PTGES3: variants seen among roughly 807,000 people sequenced by gnomAD.
PTGES3 encodes the protein Hsp90 co-chaperone.
A neutral mutation model predicts 29.9 loss-of-function variants in PTGES3; 5 were observed. The ratio of observed to expected loss-of-function variants is 0.17; its 90% CI spans 0.09 to 0.35. The LOEUF is 0.35. Among genes scored for constraint, PTGES3 ranks in the 10% least tolerant of loss-of-function variants. PTGES3 has a pLI of 1.00. For missense variants in PTGES3, 128 were observed against 190.0 expected (o/e 0.67, Z 1.92); for synonymous variants, 49 against 57.8 (o/e 0.85, Z 0.69).
chr12:56,666,054 A>ATT lies in PTGES3; in HGVS notation c.438+149_438+150insAA, dbSNP rs1951773204. 4 of 1,399,856 alleles carry ATT rather than the reference A, an allele frequency of 2.9e-6. No individual in the cohort carries two copies. In the African/African-American group the frequency reaches 5.9e-5, roughly 21 times the overall value. 86.7% of individuals were successfully genotyped at this position (1,399,856 alleles called of 1,614,324 possible). ...TAATAGATACCCCCATTCGTCAAAA[A>ATT]TGGGCACATTTTAAAAATTGCTTTT... On this transcript the variant is annotated intron_variant, in intron 6 of 7. Transcript: ENST00000262033.
chr12:56,680,599 T>A (rs1433053034), intron 1 of PTGES3, among the ~76,000 whole-genome samples: 1 of 152,016 alleles, frequency 6.6e-6, no homozygotes. Flanking sequence ...CAGGCTGGTC[T>A]CCAACTCCTG....
chr12:56,686,636 C>G (rs1952873165), intron 1 of PTGES3, among the ~76,000 whole-genome samples: 1 of 152,128 alleles, frequency 6.6e-6, no homozygotes, highest in Non-Finnish European at 1.5e-5. Context: ...CTCGGCCTCT[C>G]AGAGTGCTGG....
chr12:56,664,226 A>G lies in PTGES3; in HGVS notation c.*253T>C. On this transcript the variant is annotated 3_prime_UTR_variant, in exon 8 of 8. Coordinates refer to ENST00000262033, the MANE Select transcript of PTGES3 (RefSeq NM_006601.7). Reference sequence around the variant, plus strand: ...GCTGCATTAATTGCCTAGGACCTCAACAGCTTCATGAAAGTCTGGGAAATG... The same window carrying G: ...GCTGCATTAATTGCCTAGGACCTCAGCAGCTTCATGAAAGTCTGGGAAATG... The G allele has an allele frequency of 2.6e-6, 1 of 384,018 alleles. No homozygotes were observed. The highest frequency in any genetic ancestry group is 4.8e-6 in the Non-Finnish European group (1 of 207,128). 23.8% of individuals were successfully genotyped at this position (384,018 alleles called of 1,614,324 possible).
chr12:56,672,898 T>TA (rs1952062541), intron 2 of PTGES3, 54 bp downstream of exon 2: 1 of 1,554,712 alleles, frequency 6.4e-7, no homozygotes, highest in Non-Finnish European at 8.7e-7. Context: ...CAGTCAAAGT[T>TA]ATTCAGTTGT....
intron 1 of PTGES3, among the ~76,000 whole-genome samples, chr12:56,678,648 C>T (rs557996948): frequency 7.6e-4 from 115 of 152,154 alleles, no homozygotes; most frequent in African/African-American, 2.6e-3. Context: ...TATAACTCAC[C>T]AGATACTAAC....
intron 1 of PTGES3, among the ~76,000 whole-genome samples, chr12:56,675,001 T>G (rs1210416976): frequency 7.2e-5 from 1 of 13,962 alleles, no homozygotes; most frequent in Admixed American, 1.0e-3. Flanking sequence ...TGAAACTCGG[T>G]CTCAAAAAAA....
chr12:56,686,992 A>T (rs555216321), intron 1 of PTGES3: 6 of 356,096 alleles, frequency 1.7e-5, no homozygotes, highest in Middle Eastern at 7.3e-4. Context: ...TACCTTGAAA[A>T]ATAACCTCCC....
chr12:56,675,641 C>A lies in PTGES3; in HGVS notation c.3-2576G>T, dbSNP rs536358407. ...AACACATTAAAACTACAAACAGGGC[C>A]GAGTGCGGTGGCTCACGCCTGTAAT... On this transcript the variant is annotated intron_variant, in intron 1 of 7. Transcript: ENST00000262033. Among the ~76,000 whole-genome samples the A allele has an allele frequency of 5.3e-5, 8 of 152,030 alleles. No individual in the cohort carries two copies. The South Asian group carries it at 1.0e-3, about 20-fold the overall frequency.
At chr12:56,686,525 C>T (rs542900300) in intron 1 of PTGES3, among the ~76,000 whole-genome samples, 2 of 152,220 alleles carry the variant, frequency 1.3e-5, no homozygotes, top group East Asian at 3.9e-4. Context: ...CAGGCATGTG[C>T]CACCACGCCC....
intron 1 of PTGES3, chr12:56,687,336 T>A: frequency 1.0e-6 from 1 of 988,868 alleles, no homozygotes; most frequent in Non-Finnish European, 1.2e-6. Context: ...TAACTCCTCC[T>A]CGCTGCCAGG....
chr12:56,681,469 C>T (rs920580214), intron 1 of PTGES3, among the ~76,000 whole-genome samples: 3 of 128,842 alleles, frequency 2.3e-5, no homozygotes, highest in African/African-American at 5.9e-5. Flanking sequence ...ACCCGGGAGG[C>T]GGAGCCTGCA....
At chr12:56,668,694 A>G (rs1423427455) in intron 5 of PTGES3, among the ~76,000 whole-genome samples, 1 of 152,254 alleles carries the variant, frequency 6.6e-6, no homozygotes, top group Non-Finnish European at 1.5e-5. Flanking sequence ...GAACTGTTAA[A>G]TAAGCAGTTG....
intron 1 of PTGES3, among the ~76,000 whole-genome samples, chr12:56,679,026 G>A (rs1257134867): frequency 2.0e-5 from 3 of 152,170 alleles, no homozygotes; most frequent in Non-Finnish European, 4.4e-5. Flanking sequence ...ACTGAGGTGG[G>A]AGAATTGCTT....
At chr12:56,666,130 A>G in intron 6 of PTGES3, 74 bp downstream of exon 6, 1 of 1,486,848 alleles carries the variant, frequency 6.7e-7, no homozygotes, top group Non-Finnish European at 9.0e-7. Flanking sequence ...TCTATATAAA[A>G]CCATTTGTAA....
Position 56,688,193 on chromosome 12 carries a change from G to A in PTGES3, c.-194C>T, listed in dbSNP as rs1168467740. ...CCAGAATGCACCGCGCGGAAAGAGC[G>A]GCTCCTCCGGTCGGGGAGAAGAGGA... is the stretch of plus-strand genomic sequence containing the variant. On this transcript the variant is annotated 5_prime_UTR_variant, in exon 1 of 8. Transcript: ENST00000262033. The A allele has an allele frequency of 6.0e-6, 6 of 1,001,264 alleles. No homozygotes were observed. Among genetic ancestry groups the A allele is most frequent in the Non-Finnish European group, 6.8e-6 (5 of 737,356 alleles). The allele number at this position is 1,001,264 out of a possible 1,614,324, so 62.0% of individuals were successfully genotyped here.
chr12:56,680,856 C>T (rs561553031), intron 1 of PTGES3, among the ~76,000 whole-genome samples: 1 of 151,316 alleles, frequency 6.6e-6, no homozygotes, highest in African/African-American at 2.4e-5. Flanking sequence ...TCAGCTCACA[C>T]AGCCTTGACT....
chr12:56,672,029 T>TA lies in PTGES3; in HGVS notation c.187-183dup, dbSNP rs1036847376. 2.0e-5 allele frequency among the ~76,000 whole-genome samples: 3 copies of TA among 151,952 alleles called. No individual in the cohort carries two copies. In the South Asian group the frequency reaches 6.2e-4, roughly 32 times the overall value. ...GCCCCAACCCCCTTTAAGTTTCATT[T>TA]AAAAAAAAATTTTTTTTTCCCTTCT... On this transcript the variant is annotated intron_variant, in intron 3 of 7. Transcript: ENST00000262033.
chr12:56,666,204 A>G lies in PTGES3; in HGVS notation c.438T>C (p.Asp146=), dbSNP rs1247460727. 6.2e-7 allele frequency: 1 copy of G among 1,607,658 alleles called. No homozygotes were observed. The highest frequency in any genetic ancestry group is 8.5e-7 in the Non-Finnish European group (1 of 1,177,218). The part of the protein sequence containing the change: ...VDLPEVDGAD[D]DSQDSDDEKM... ...CAGAAAAAAGAATTTTTAGACTTAC[A>G]TCATCTGCTCCATCTACTTCTGGTA... is the stretch of plus-strand genomic sequence containing the variant. Residue 146 remains aspartate (D), a splice_region_variant and synonymous_variant, in exon 6 of 8, where the codon GAT becomes GAC. Transcript: ENST00000262033.
At chr12:56,683,124 TG>T (rs1267151552) in intron 1 of PTGES3, among the ~76,000 whole-genome samples, 1 of 151,604 alleles carries the variant, frequency 6.6e-6, no homozygotes, top group Non-Finnish European at 1.5e-5. Flanking sequence ...CTGAGGCGCG[TG>T]GATCATGAGG....
Sources: allele counts gnomAD v4.1 joint callset (sites outside exome capture counted in the v4.1 genomes callset), GRCh38; gene constraint gnomAD v4.1.1; transcripts MANE v1.5; gene names NCBI Gene and HGNC (gene_info 2026-07-23, HGNC 2026-07-21).